SYCP2: variants seen among roughly 807,000 people sequenced by gnomAD.
SYCP2 encodes the protein synaptonemal complex protein 2, also known as synaptonemal complex lateral element protein.
In SYCP2, 55 loss-of-function variants were observed where a neutral mutation model predicts 211.3. The observed-to-expected ratio is 0.26, with a 90% CI of 0.21 to 0.33. SYCP2 has a LOEUF of 0.33. Among genes scored for constraint, SYCP2 ranks in the 10% least tolerant of loss-of-function variants. SYCP2 has a pLI of 1.00. For missense variants in SYCP2, 1,731 were observed against 1,752.0 expected (o/e 0.99, Z 0.21); for synonymous variants, 570 against 555.2 (o/e 1.03, Z -0.37).
chr20:59,892,064 C>A lies in SYCP2; in HGVS notation c.2290G>T (p.Val764Leu). ...CDKNPSASKNVQSHRKAEKEL... is the reference protein window; with the variant it reads ...CDKNPSASKNLQSHRKAEKEL... Reference sequence around the variant, plus strand: ...TTCTCTGCTTTTCTATGACTTTGCACATTTTTGCTAGCAGATGGATTTTTA... The same window carrying A: ...TTCTCTGCTTTTCTATGACTTTGCAAATTTTTGCTAGCAGATGGATTTTTA... Residue 764 changes from valine to leucine, a missense_variant, in exon 24 of 45, where the codon GTG (valine) becomes TTG (leucine). Physicochemically the swap from Val to Leu is conservative, Grantham distance 32 (BLOSUM62 1). Coordinates refer to ENST00000357552, the MANE Select transcript of SYCP2 (RefSeq NM_014258.4). 1 of 1,611,400 alleles carries A rather than the reference C, an allele frequency of 6.2e-7. No homozygotes were observed. The highest frequency in any genetic ancestry group is 8.5e-7 in the Non-Finnish European group (1 of 1,178,728).
chr20:59,864,795 T>C (rs1270621424), intron 44 of SYCP2, among the ~76,000 whole-genome samples: 2 of 152,024 alleles, frequency 1.3e-5, no homozygotes, highest in African/African-American at 2.4e-5. Context: ...TCTTTGTAAG[T>C]ACATTAATAT....
intron 33 of SYCP2, among the ~76,000 whole-genome samples, chr20:59,876,834 T>C (rs563490957): frequency 1.2e-4 from 18 of 152,284 alleles, no homozygotes; most frequent in South Asian, 8.3e-4. Context: ...ATTGGAGTTA[T>C]AGAAAACTAT....
intron 2 of SYCP2, among the ~76,000 whole-genome samples, chr20:59,925,263 A>G (rs142959622): frequency 1.5e-4 from 23 of 152,128 alleles, no homozygotes; most frequent in African/African-American, 5.3e-4. Flanking sequence ...ATGCATGCTT[A>G]GTTTAATACT....
At chr20:59,868,774 T>C (rs1280320279) in intron 37 of SYCP2, 61 bp downstream of exon 37, 16 of 1,417,172 alleles carry the variant, frequency 1.1e-5, no homozygotes, top group Admixed American at 2.1e-5. Context: ...ATTCCTTTAG[T>C]TGAAATGTCA....
At chr20:59,879,878 CAA>C (rs2059642132) in intron 31 of SYCP2, among the ~76,000 whole-genome samples, 1 of 140,988 alleles carries the variant, frequency 7.1e-6, no homozygotes, top group Non-Finnish European at 1.5e-5. Context: ...CACACACACA[CAA>C]ACATATAAAT....
chr20:59,881,318 G>A, intron 29 of SYCP2, 119 bp downstream of exon 29: 1 of 637,560 alleles, frequency 1.6e-6, no homozygotes, highest in Non-Finnish European at 2.7e-6. Context: ...CATAATGAGA[G>A]TAATAATGAC....
intron 13 of SYCP2, 174 bp downstream of exon 13, chr20:59,912,199 G>A: frequency 2.2e-6 from 1 of 462,072 alleles, no homozygotes; most frequent in Non-Finnish European, 3.9e-6. Context: ...CAATGAATAT[G>A]CTGTTCCATA....
At chr20:59,883,018 T>C (rs1434536439) in intron 26 of SYCP2, among the ~76,000 whole-genome samples, 1 of 152,130 alleles carries the variant, frequency 6.6e-6, no homozygotes, top group Non-Finnish European at 1.5e-5. Context: ...AATAAAAATA[T>C]ATGCAAAATA....
At chr20:59,886,873 T>C in intron 24 of SYCP2, 39 bp from the exon 25 acceptor site, 1 of 1,489,872 alleles carries the variant, frequency 6.7e-7, no homozygotes, top group Non-Finnish European at 9.0e-7. Flanking sequence ...CTCTACCAGT[T>C]AATCTTTAAA....
At chr20:59,918,641 C>T (rs1319453674) in intron 7 of SYCP2, among the ~76,000 whole-genome samples, 7 of 152,130 alleles carry the variant, frequency 4.6e-5, no homozygotes, top group South Asian at 2.1e-4. Flanking sequence ...GTGATGAACA[C>T]GCTCAATTAA....
chr20:59,879,088 TAA>T (rs1158037757), intron 31 of SYCP2, among the ~76,000 whole-genome samples: 1 of 152,064 alleles, frequency 6.6e-6, no homozygotes, highest in Non-Finnish European at 1.5e-5. Flanking sequence ...CTTTATGTTA[TAA>T]ATGTTTTTAT....
chr20:59,864,454 AT>A, intron 44 of SYCP2, 66 bp from the exon 45 acceptor site: 1 of 1,107,862 alleles, frequency 9.0e-7, no homozygotes, highest in Admixed American at 2.6e-5. Flanking sequence ...ACCAAATAAA[AT>A]AGAAAAAAAA....
chr20:59,885,941 A>G lies in SYCP2; in HGVS notation c.2516T>C (p.Val839Ala). The G allele has an allele frequency of 6.2e-7, 1 of 1,600,494 alleles. No homozygotes were observed. Among genetic ancestry groups the G allele is most frequent in the Non-Finnish European group, 8.5e-7 (1 of 1,174,542 alleles). The change falls in exon 26 of 45, where the codon GTA (valine) becomes GCA (alanine). Residue 839 changes from valine to alanine, a missense_variant. By Grantham distance (64) the Val-to-Ala change is moderately conservative. Transcript: ENST00000357552. ...INSGFSNKPV[V>A]QLSKEKVQKK... ...AATAACACCTACCTTACTGAGTTGT[A>G]CAACAGGTTTGTTTGAAAAACCACT... is the stretch of plus-strand genomic sequence containing the variant.
At chr20:59,920,318 A>G (rs1005942218) in intron 5 of SYCP2, 41 bp downstream of exon 5, 7 of 1,460,368 alleles carry the variant, frequency 4.8e-6, no homozygotes, top group African/African-American at 2.8e-5. Context: ...ATCTTTTATA[A>G]TATTTCATTC....
At chr20:59,899,881 A>G (rs780863240) in intron 18 of SYCP2, among the ~76,000 whole-genome samples, 1 of 152,154 alleles carries the variant, frequency 6.6e-6, no homozygotes, top group Non-Finnish European at 1.5e-5. Context: ...TACATTCAAG[A>G]AGGTTATCTT....
chr20:59,911,989 A>G (rs1159873395), intron 13 of SYCP2, 144 bp from the exon 14 acceptor site: 12 of 458,674 alleles, frequency 2.6e-5, no homozygotes. Context: ...ATATTTAGAT[A>G]AATTTAAAAA....
intron 2 of SYCP2, among the ~76,000 whole-genome samples, chr20:59,926,391 G>A (rs192587955): frequency 1.1e-3 from 168 of 152,114 alleles, no homozygotes; most frequent in African/African-American, 3.7e-3. Flanking sequence ...TCTGGTAGCT[G>A]CCGACATTCT....
At chr20:59,928,660 A>C (rs989484518) in intron 2 of SYCP2, among the ~76,000 whole-genome samples, 2 of 152,168 alleles carry the variant, frequency 1.3e-5, no homozygotes, top group Non-Finnish European at 2.9e-5. Context: ...GAATTCAAAC[A>C]CATAAGCATA....
At chr20:59,877,189 T>TA (rs201639048) in intron 33 of SYCP2, among the ~76,000 whole-genome samples, 196 bp downstream of exon 33, 3,068 of 152,180 alleles carry the variant, frequency 0.02, 43 homozygotes, top group Middle Eastern at 0.041. Context: ...ATCTGTTTTG[T>TA]AAAAAAAATG....
Sources: gnomAD v4.1 joint callset for allele counts (sites outside exome capture counted in the v4.1 genomes callset) on GRCh38, gnomAD v4.1.1 for gene constraint, MANE v1.5 for transcripts, NCBI Gene and HGNC (gene_info 2026-07-23, HGNC 2026-07-21) for gene names.